Variants in GALNTL6 observed in about 807,000 individuals in gnomAD.
GALNTL6 encodes the protein polypeptide N-acetylgalactosaminyltransferase like 6.
Under a neutral mutation model 73.7 loss-of-function variants are expected in GALNTL6, and 46 were observed. The ratio of observed to expected loss-of-function variants is 0.62; its 90% CI spans 0.49 to 0.80. The LOEUF is 0.80. Ranked by LOEUF, GALNTL6 falls within the 30% of genes least tolerant of loss-of-function variation. GALNTL6 has a pLI of 0.00. For missense variants in GALNTL6, 604 were observed against 755.0 expected, an observed-to-expected ratio of 0.80 and a Z score of 2.34; for synonymous variants, 259 against 263.7, an observed-to-expected ratio of 0.98 and a Z score of 0.17.
chr4:172,936,313 C>T (rs964812394), intron 9 of GALNTL6, among the ~76,000 whole-genome samples: 3 of 152,172 alleles, frequency 2.0e-5, no homozygotes, highest in Admixed American at 6.5e-5. Flanking sequence ...GACAAACCTA[C>T]AGCAATATCA....
chr4:172,068,449 T>C (rs1731421312), intron 2 of GALNTL6, among the ~76,000 whole-genome samples: 1 of 109,760 alleles, frequency 9.1e-6, no homozygotes, highest in Non-Finnish European at 2.0e-5. Context: ...AATCTCCAAT[T>C]TATAGAACAT....
At chr4:171,934,975 A>G (rs1056461154) in intron 2 of GALNTL6, among the ~76,000 whole-genome samples, 2 of 152,114 alleles carry the variant, frequency 1.3e-5, no homozygotes, top group African/African-American at 4.8e-5. Flanking sequence ...CAAACCCTAG[A>G]GAGCTCTCCT....
At chr4:172,006,085 C>T (rs1486096901) in intron 2 of GALNTL6, among the ~76,000 whole-genome samples, 4 of 152,288 alleles carry the variant, frequency 2.6e-5, no homozygotes, top group African/African-American at 9.6e-5. Flanking sequence ...TCTGCAACAC[C>T]TTGAATTTAA....
intron 5 of GALNTL6, among the ~76,000 whole-genome samples, chr4:172,541,995 C>A (rs1026887433): frequency 1.6e-4 from 25 of 151,840 alleles, no homozygotes; most frequent in African/African-American, 6.0e-4. Flanking sequence ...GCTACATTGT[C>A]TGAGGTATAT....
At chr4:171,828,599 T>C (rs1734885703) in intron 2 of GALNTL6, among the ~76,000 whole-genome samples, 1 of 152,132 alleles carries the variant, frequency 6.6e-6, no homozygotes, top group Non-Finnish European at 1.5e-5. Flanking sequence ...TACATGTCTT[T>C]TCTCTTCCTC....
chr4:172,482,448 AG>A (rs1171794399), intron 5 of GALNTL6, among the ~76,000 whole-genome samples: 3 of 152,382 alleles, frequency 2.0e-5, no homozygotes, highest in African/African-American at 7.2e-5. Flanking sequence ...GCCAGATTCA[AG>A]GATGAGGAAA....
rs551012287 is a variant in GALNTL6, at chr4:172,369,648, A to G, written c.553+20959A>G. 6.6e-5 allele frequency among the ~76,000 whole-genome samples: 10 copies of G among 152,206 alleles called. No individual in the cohort carries two copies. In the South Asian group the frequency reaches 2.1e-3, roughly 32 times the overall value. On this transcript the variant is annotated intron_variant, in intron 5 of 12. Coordinates refer to ENST00000506823, the MANE Select transcript of GALNTL6 (RefSeq NM_001034845.3). The stretch of plus-strand genomic sequence containing the variant: ...GCGGCTGAGGCCCGGTGAGAATTTG[A>G]GCGTGGCATGGGCAGGCCGGCAGTG...
chr4:172,033,789 G>A (rs1461644454), intron 2 of GALNTL6, among the ~76,000 whole-genome samples: 1 of 152,080 alleles, frequency 6.6e-6, no homozygotes, highest in Non-Finnish European at 1.5e-5. Flanking sequence ...GACAGAGATT[G>A]TATAATCCTG....
At chr4:172,868,529 C>A (rs1184548874) in intron 7 of GALNTL6, among the ~76,000 whole-genome samples, 1 of 152,172 alleles carries the variant, frequency 6.6e-6, no homozygotes, top group African/African-American at 2.4e-5. Context: ...TACTTCAGAA[C>A]AATGCACCAG....
chr4:171,986,721 C>T (rs2111088795), intron 2 of GALNTL6, among the ~76,000 whole-genome samples: 1 of 152,018 alleles, frequency 6.6e-6, no homozygotes, highest in African/African-American at 2.4e-5. Context: ...GGCCTGGATA[C>T]CGTTTTGTAT....
intron 8 of GALNTL6, among the ~76,000 whole-genome samples, chr4:172,900,194 T>TA (rs1444333685): frequency 6.6e-6 from 1 of 152,232 alleles, no homozygotes; most frequent in Non-Finnish European, 1.5e-5. Flanking sequence ...TTATCTAGTT[T>TA]AAAATCATAA....
At chr4:172,177,709 T>C (rs1735045792) in intron 2 of GALNTL6, among the ~76,000 whole-genome samples, 1 of 120,946 alleles carries the variant, frequency 8.3e-6, no homozygotes. Context: ...AATATATATG[T>C]TTACTTAGTA....
intron 5 of GALNTL6, among the ~76,000 whole-genome samples, chr4:172,799,521 G>A (rs982808785): frequency 6.6e-6 from 1 of 152,132 alleles, no homozygotes; most frequent in East Asian, 1.9e-4. Context: ...AGAGTTATTT[G>A]GGGGAATTTT....
At chr4:172,965,874 G>A (rs1455350460) in intron 10 of GALNTL6, among the ~76,000 whole-genome samples, 1 of 151,568 alleles carries the variant, frequency 6.6e-6, no homozygotes, top group Non-Finnish European at 1.5e-5. Flanking sequence ...ATACTTTTTT[G>A]GATTTGTGTG....
At chr4:171,915,850 G>A (rs1737608862) in intron 2 of GALNTL6, among the ~76,000 whole-genome samples, 1 of 151,930 alleles carries the variant, frequency 6.6e-6, no homozygotes, top group Non-Finnish European at 1.5e-5. Flanking sequence ...CCCAACACTT[G>A]GACTTCTGAC....
At chr4:172,157,970 C>T (rs553068054) in intron 2 of GALNTL6, among the ~76,000 whole-genome samples, 2 of 152,264 alleles carry the variant, frequency 1.3e-5, no homozygotes, top group East Asian at 3.9e-4. Flanking sequence ...TGTTGCGTCC[C>T]AACCACAGTG....
chr4:171,897,308 C>A (rs959196872), intron 2 of GALNTL6, among the ~76,000 whole-genome samples: 3 of 152,012 alleles, frequency 2.0e-5, no homozygotes, highest in African/African-American at 7.2e-5. Context: ...TTATCTTATT[C>A]ATTACACAAA....
chr4:172,306,603 C>T (rs972718883), intron 3 of GALNTL6, among the ~76,000 whole-genome samples: 5 of 152,170 alleles, frequency 3.3e-5, no homozygotes, highest in African/African-American at 1.2e-4. Flanking sequence ...TGTAGTCTTT[C>T]ACCCTTTACC....
chr4:171,894,641 C>T (rs1000056267), intron 2 of GALNTL6, among the ~76,000 whole-genome samples: 2 of 152,170 alleles, frequency 1.3e-5, no homozygotes, highest in African/African-American at 4.8e-5. Flanking sequence ...GGATTACTGG[C>T]AGAAGCCACC....
Sources: allele counts gnomAD v4.1 joint callset (sites outside exome capture counted in the v4.1 genomes callset), GRCh38; gene constraint gnomAD v4.1.1; transcripts MANE v1.5; gene names NCBI Gene and HGNC (gene_info 2026-07-23, HGNC 2026-07-21).